The following SCIN variants were observed in gnomAD, a reference collection of about 807,000 sequenced individuals.
SCIN encodes adseverin.
Under a neutral mutation model 91.8 loss-of-function variants are expected in SCIN, and 91 were observed. The ratio of observed to expected loss-of-function variants is 0.99; its 90% CI spans 0.84 to 1.18. The LOEUF (loss-of-function observed/expected upper bound fraction) is 1.18, where lower values mean the gene tolerates loss of function less well. Ranked by LOEUF, SCIN falls within the 50% of genes most tolerant of loss-of-function variation. SCIN has a pLI of 0.00. For synonymous variants in SCIN, 367 were observed against 312.6 expected (o/e 1.17, Z -1.84); for missense variants, 1,087 against 863.9 (o/e 1.26, Z -3.24).
intron 1 of SCIN, among the ~76,000 whole-genome samples, chr7:12,572,086 T>A (rs1036622614): frequency 3.3e-5 from 5 of 152,230 alleles, no homozygotes. Flanking sequence ...ATTTCCAACA[T>A]TTGAAGATTT....
chr7:12,615,418 T>G (rs849795), intron 4 of SCIN, among the ~76,000 whole-genome samples: 143,613 of 152,112 alleles, frequency 0.94, 67,864 homozygotes, highest in East Asian at 1. Context: ...GTTTTTTCCT[T>G]TGTGTTCCCT....
intron 9 of SCIN, among the ~76,000 whole-genome samples, chr7:12,635,439 C>T (rs1783728317): frequency 6.6e-6 from 1 of 150,536 alleles, no homozygotes; most frequent in African/African-American, 2.4e-5. Flanking sequence ...GTGACACCCC[C>T]ATCTCTACTA....
At chr7:12,635,911 A>G (rs1451525100) in intron 9 of SCIN, 134 bp from the exon 10 acceptor site, 1 of 672,492 alleles carries the variant, frequency 1.5e-6, no homozygotes, top group Admixed American at 2.3e-5. Flanking sequence ...ACAATAGCTT[A>G]ACAGCTTGTA....
chr7:12,571,364 A>G (rs1782267478), intron 1 of SCIN: 3 of 346,156 alleles, frequency 8.7e-6, no homozygotes, highest in East Asian at 7.2e-5. Flanking sequence ...CCTTCCGACA[A>G]ACTCAGTCCT....
At chr7:12,642,008 A>T (rs1783867839) in intron 11 of SCIN, among the ~76,000 whole-genome samples, 1 of 151,708 alleles carries the variant, frequency 6.6e-6, no homozygotes, top group Non-Finnish European at 1.5e-5. Flanking sequence ...TTTTAAGTTA[A>T]TATTTTATAT....
rs1783483309 is a variant in SCIN at position 12,625,029 on chromosome 7, C to T, written c.779C>T (p.Ser260Phe). The change falls in exon 6 of 16, where the codon TCC becomes TTC. Residue 260 changes from serine to phenylalanine, a missense_variant. Coordinates refer to ENST00000297029, the MANE Select transcript of SCIN (RefSeq NM_001112706.3). ...KLYMVSDASG[S>F]MRVTVVAEEN... ...TATTAGGTTTCAGATGCAAGTGGCT[C>T]CATGAGAGTGACTGTGGTGGCAGAA... 6.4e-7 allele frequency: 1 copy of T among 1,566,158 alleles called. No individual in the cohort carries two copies. The highest frequency in any genetic ancestry group is 1.9e-5 in the Admixed American group (1 of 52,694).
intron 3 of SCIN, among the ~76,000 whole-genome samples, chr7:12,588,466 CGA>C (rs1383808914): frequency 6.6e-6 from 1 of 151,924 alleles, no homozygotes; most frequent in African/African-American, 2.4e-5. Context: ...AGAGAAAGGA[CGA>C]GAGAGAGACC....
intron 9 of SCIN, among the ~76,000 whole-genome samples, chr7:12,635,728 A>C (rs188234866): frequency 6.6e-4 from 99 of 150,288 alleles, no homozygotes; most frequent in Non-Finnish European, 9.0e-4. Context: ...TTCACTGTAG[A>C]GGTGTTTTCT....
At chr7:12,582,801 T>C (rs1490316623) in intron 3 of SCIN, among the ~76,000 whole-genome samples, 1 of 152,128 alleles carries the variant, frequency 6.6e-6, no homozygotes, top group African/African-American at 2.4e-5. Context: ...TGCACATAAA[T>C]GTCTACAGCC....
At chr7:12,628,993 T>C in intron 8 of SCIN, 108 bp from the exon 9 acceptor site, 1 of 944,874 alleles carries the variant, frequency 1.1e-6, no homozygotes, top group Non-Finnish European at 1.5e-6. Flanking sequence ...ATAAATAATT[T>C]AAAAGTTGTT....
At chr7:12,648,531 G>A (rs560641118) in intron 13 of SCIN, among the ~76,000 whole-genome samples, 45 of 152,096 alleles carry the variant, frequency 3.0e-4, no homozygotes, top group African/African-American at 9.4e-4. Context: ...TCCTGACCTC[G>A]TGATCCACCC....
chr7:12,646,492 A>T (rs1052376983), intron 13 of SCIN, among the ~76,000 whole-genome samples: 1 of 152,178 alleles, frequency 6.6e-6, no homozygotes, highest in South Asian at 2.1e-4. Context: ...ATGCCATTGG[A>T]GGCTAGGGGT....
intron 9 of SCIN, 103 bp downstream of exon 9, chr7:12,629,325 C>T (rs2115278662): frequency 8.8e-7 from 1 of 1,132,332 alleles, no homozygotes; most frequent in East Asian, 2.6e-5. Flanking sequence ...TATAATCATC[C>T]CAGTGAGATT....
At chr7:12,577,967 A>G in intron 1 of SCIN, 97 bp from the exon 2 acceptor site, 2 of 1,081,688 alleles carry the variant, frequency 1.8e-6, no homozygotes, top group Non-Finnish European at 2.6e-6. Context: ...ATTGATACAT[A>G]ATTGAAATGA....
At chr7:12,602,174 T>C (rs766365513) in intron 3 of SCIN, among the ~76,000 whole-genome samples, 13 of 152,190 alleles carry the variant, frequency 8.5e-5, no homozygotes, top group South Asian at 8.3e-4. Context: ...CCTCCAGGGG[T>C]GACATCACAT....
In SCIN at chr7:12,640,493, G is replaced by C. The variant is rs140188194; in HGVS notation, c.1557G>C (p.Leu519=). ...PTRLFQVRRN[L]ASITRIVEVD... The stretch of plus-strand genomic sequence containing the variant: ...GCCTCTTTCAAGTCCGGAGAAACCT[G>C]GCATCTATCACCAGAATTGTGGAGG... Residue 519 remains leucine, a synonymous_variant, in exon 11 of 16, where the codon CTG becomes CTC. Coordinates refer to ENST00000297029, the MANE Select transcript of SCIN (RefSeq NM_001112706.3). 1.7e-4 allele frequency: 277 copies of C among 1,611,446 alleles called. 1 individual carries two copies. In the African/African-American group the frequency reaches 3.3e-3, roughly 19 times the overall value.
Position 12,645,706 on chromosome 7 carries a change from C to G in SCIN, c.1881+1001C>G, listed in dbSNP as rs959321920. Reference sequence around the variant, plus strand: ...TCCTCTCTATGTGTCCGTGTGTTCTCATCATTTAGGTCCCACTTATAAGTG... The same window carrying G: ...TCCTCTCTATGTGTCCGTGTGTTCTGATCATTTAGGTCCCACTTATAAGTG... On this transcript the variant is annotated intron_variant, in intron 13 of 15. Transcript: ENST00000297029. Among the ~76,000 whole-genome samples the G allele has an allele frequency of 3.3e-5, 5 of 152,242 alleles. 1 individual carries two copies. In the South Asian group the frequency reaches 1.0e-3, roughly 32 times the overall value.
chr7:12,598,058 G>A (rs968219968), intron 3 of SCIN, among the ~76,000 whole-genome samples: 2 of 152,170 alleles, frequency 1.3e-5, no homozygotes, highest in African/African-American at 4.8e-5. Context: ...AGTTGCCCCT[G>A]AAACTGTTTG....
chr7:12,611,751 T>C (rs1298587622), intron 4 of SCIN, among the ~76,000 whole-genome samples: 4 of 152,090 alleles, frequency 2.6e-5, no homozygotes, highest in Non-Finnish European at 5.9e-5. Flanking sequence ...AGGAAAATGG[T>C]ATAAATAAAT....
Sources: allele counts gnomAD v4.1 joint callset (sites outside exome capture counted in the v4.1 genomes callset), GRCh38; gene constraint gnomAD v4.1.1; transcripts MANE v1.5; gene names NCBI Gene and HGNC (gene_info 2026-07-23, HGNC 2026-07-21).